Variants in SMYD3 observed in about 807,000 individuals in gnomAD.
The protein encoded by SMYD3 is histone-lysine N-methyltransferase SMYD3.
Under a neutral mutation model 57.7 loss-of-function variants are expected in SMYD3, and 36 were observed. The observed-to-expected ratio is 0.62, with a 90% CI of 0.48 to 0.82. The LOEUF is 0.82. Ranked by LOEUF, SMYD3 falls within the 40% of genes least tolerant of loss-of-function variation. The pLI, the probability that SMYD3 is intolerant of heterozygous loss-of-function variation, is 0.00. For missense variants in SMYD3, 515 were observed against 538.8 expected (o/e 0.96, Z 0.44); for synonymous variants, 211 against 195.0 (o/e 1.08, Z -0.68).
intron 5 of SMYD3, among the ~76,000 whole-genome samples, chr1:246,215,580 A>G (rs978141902): frequency 1.3e-5 from 2 of 152,124 alleles, no homozygotes; most frequent in African/African-American, 4.8e-5. Context: ...TTAAGAAAAA[A>G]TATTTATCCA....
intron 1 of SMYD3, among the ~76,000 whole-genome samples, chr1:246,448,078 G>T (rs948266832): frequency 6.6e-6 from 1 of 152,172 alleles, no homozygotes; most frequent in African/African-American, 2.4e-5. Context: ...TTAGCCAGGC[G>T]TGGTGGCGCA....
At chr1:245,966,679 GGGAAGACAGGCTTTCAGATCATCTC>G (rs934532751) in intron 5 of SMYD3, among the ~76,000 whole-genome samples, 1 of 152,028 alleles carries the variant, frequency 6.6e-6, no homozygotes, top group African/African-American at 2.4e-5. Context: ...TCTGGCCCTT[GGGAAGACAGGCTTTCAGATCATCTC>G]GAGTCCTTAT....
chr1:246,365,419 C>T (rs771454636), intron 1 of SMYD3, among the ~76,000 whole-genome samples: 8 of 148,868 alleles, frequency 5.4e-5, no homozygotes, highest in Non-Finnish European at 8.9e-5. Context: ...GGCTTGAGCC[C>T]GAGAGACTGA....
chr1:246,107,370 A>C (rs2061150227), intron 5 of SMYD3, among the ~76,000 whole-genome samples: 1 of 152,182 alleles, frequency 6.6e-6, no homozygotes, highest in Non-Finnish European at 1.5e-5. Flanking sequence ...AATGAAGCCA[A>C]CATATCTCAT....
At chr1:246,362,159 T>C (rs1020517983) in intron 1 of SMYD3, among the ~76,000 whole-genome samples, 2 of 152,164 alleles carry the variant, frequency 1.3e-5, no homozygotes, top group Non-Finnish European at 2.9e-5. Context: ...TAGATACTGA[T>C]CTCTCCATAT....
At chr1:245,792,228 C>G (rs569638478) in intron 10 of SMYD3, among the ~76,000 whole-genome samples, 133 of 152,264 alleles carry the variant, frequency 8.7e-4, no homozygotes, top group Non-Finnish European at 1.4e-3. Flanking sequence ...TGAGTGTTAC[C>G]TCAATTAATC....
intron 5 of SMYD3, among the ~76,000 whole-genome samples, chr1:246,073,826 C>T (rs980009274): frequency 1.1e-4 from 17 of 152,136 alleles, no homozygotes; most frequent in Non-Finnish European, 2.4e-4. Context: ...TGGTCCAAAC[C>T]TCCATAGAGG....
chr1:246,181,219 A>C (rs1558294620), intron 5 of SMYD3, among the ~76,000 whole-genome samples: 1 of 152,178 alleles, frequency 6.6e-6, no homozygotes. Flanking sequence ...CCTAGAGTAT[A>C]TTTTACAAAT....
intron 5 of SMYD3, among the ~76,000 whole-genome samples, chr1:246,262,149 G>C (rs1200239188): frequency 1.3e-5 from 2 of 152,186 alleles, no homozygotes; most frequent in African/African-American, 4.8e-5. Flanking sequence ...TTAAATTTGA[G>C]TGCAGATGTG....
At chr1:245,847,298 G>A (rs1236267440) in intron 10 of SMYD3, among the ~76,000 whole-genome samples, 2 of 152,076 alleles carry the variant, frequency 1.3e-5, no homozygotes, top group African/African-American at 4.8e-5. Context: ...CTCTACAAGC[G>A]ATCAAATATT....
chr1:246,060,782 C>T (rs770205611), intron 5 of SMYD3, among the ~76,000 whole-genome samples: 7 of 152,146 alleles, frequency 4.6e-5, no homozygotes, highest in Non-Finnish European at 8.8e-5. Flanking sequence ...TTTTCTAAGC[C>T]AGCCCATCAA....
chr1:246,461,840 C>G (rs1162589053), intron 1 of SMYD3, among the ~76,000 whole-genome samples: 1 of 152,078 alleles, frequency 6.6e-6, no homozygotes, highest in Non-Finnish European at 1.5e-5. Flanking sequence ...GAGCCACACA[C>G]TTTTGGCATA....
At chr1:246,187,048 T>A in intron 5 of SMYD3, 1 of 509,300 alleles carries the variant, frequency 2.0e-6, no homozygotes, top group Non-Finnish European at 2.5e-6. Context: ...GATGTGCTGA[T>A]GGAGCTCAAC....
chr1:245,820,718 T>C (rs1166431219), intron 10 of SMYD3, among the ~76,000 whole-genome samples: 3 of 151,724 alleles, frequency 2.0e-5, no homozygotes, highest in Non-Finnish European at 2.9e-5. Flanking sequence ...AAAATCAATG[T>C]ACAAAAATCA....
intron 1 of SMYD3, among the ~76,000 whole-genome samples, chr1:246,371,667 C>T (rs1023812295): frequency 9.9e-5 from 15 of 152,146 alleles, no homozygotes; most frequent in African/African-American, 2.9e-4. Flanking sequence ...CATACTATGA[C>T]GTAAGCCTTC....
chr1:246,139,801 C>G (rs1180910391), intron 5 of SMYD3, among the ~76,000 whole-genome samples: 1 of 152,176 alleles, frequency 6.6e-6, no homozygotes, highest in Non-Finnish European at 1.5e-5. Context: ...TTTCATCACA[C>G]TCTGAGAAGA....
chr1:246,400,738 A>G (rs2066753424), intron 1 of SMYD3, among the ~76,000 whole-genome samples: 1 of 152,184 alleles, frequency 6.6e-6, no homozygotes, highest in South Asian at 2.1e-4. Context: ...TTTTTCTAAG[A>G]GAAAACAAAA....
intron 2 of SMYD3, among the ~76,000 whole-genome samples, chr1:246,350,205 C>G (rs1019431860): frequency 2.6e-5 from 4 of 152,184 alleles, no homozygotes; most frequent in African/African-American, 9.7e-5. Context: ...TGTGCTCACC[C>G]CAATCACATT....
At chr1:246,047,556 G>T (rs1361707554) in intron 5 of SMYD3, among the ~76,000 whole-genome samples, 1 of 152,198 alleles carries the variant, frequency 6.6e-6, no homozygotes, top group African/African-American at 2.4e-5. Flanking sequence ...TTATTCACCA[G>T]CCTGGGCACA....
Sources: allele counts gnomAD v4.1 joint callset (sites outside exome capture counted in the v4.1 genomes callset), GRCh38; gene constraint gnomAD v4.1.1; transcripts MANE v1.5; gene names NCBI Gene and HGNC (gene_info 2026-07-23, HGNC 2026-07-21).